AGBL4: variants seen among roughly 807,000 people sequenced by gnomAD.
The protein encoded by AGBL4 is AGBL carboxypeptidase 4, also known as cytosolic carboxypeptidase 6.
In AGBL4, 58 loss-of-function variants were observed where a neutral mutation model predicts 66.4. The ratio of observed to expected loss-of-function variants is 0.87; its 90% CI spans 0.71 to 1.09. AGBL4 has a LOEUF of 1.09. AGBL4 is among the 50% of genes least tolerant of loss of function. The pLI, the probability that AGBL4 is intolerant of heterozygous loss-of-function variation, is 0.00. For missense variants in AGBL4, 579 were observed against 631.0 expected (o/e 0.92, Z 0.88); for synonymous variants, 234 against 222.9 (o/e 1.05, Z -0.44).
intron 6 of AGBL4, among the ~76,000 whole-genome samples, chr1:48,682,630 C>G (rs1267223120): frequency 6.6e-6 from 1 of 152,164 alleles, no homozygotes; most frequent in Non-Finnish European, 1.5e-5. Context: ...TGGGCTCAAG[C>G]AATCTGCCTG....
intron 6 of AGBL4, among the ~76,000 whole-genome samples, chr1:48,851,647 C>T (rs975194326): frequency 6.6e-6 from 1 of 152,202 alleles, no homozygotes; most frequent in Non-Finnish European, 1.5e-5. Flanking sequence ...GAACTCTTCT[C>T]TAACAAGCCA....
At chr1:49,365,607 G>A (rs982591680) in intron 3 of AGBL4, among the ~76,000 whole-genome samples, 1 of 151,420 alleles carries the variant, frequency 6.6e-6, no homozygotes, top group Non-Finnish European at 1.5e-5. Flanking sequence ...TAGCCCTTCT[G>A]TGAAACAGAA....
Position 49,397,133 on chromosome 1 carries a change from C to T in AGBL4, c.283-151269G>A, listed in dbSNP as rs185280593. ...CCACTGCTCCCCTCCTGCTGTGTGG[C>T]TCAGTTCCTAACAGGCCACAAACCA... On this transcript the variant is annotated intron_variant, in intron 3 of 13. Transcript: ENST00000371839. Among the ~76,000 whole-genome samples, 11 of 152,220 alleles carry T rather than the reference C, an allele frequency of 7.2e-5. No individual in the cohort carries two copies. The East Asian group carries it at 1.9e-3, about 27-fold the overall frequency.
chr1:49,187,159 C>G (rs1264657918), intron 4 of AGBL4: 1 of 152,212 alleles, frequency 6.6e-6, no homozygotes, highest in East Asian at 1.9e-4. Flanking sequence ...CTTTTTGGGG[C>G]TTTATTAGAA....
intron 3 of AGBL4, among the ~76,000 whole-genome samples, chr1:49,307,773 T>C (rs1644873096): frequency 4.6e-5 from 7 of 152,058 alleles, no homozygotes; most frequent in Admixed American, 4.6e-4. Context: ...GTCAAGAAAA[T>C]GAACTTAAGA....
chr1:49,836,986 C>T (rs1297554586), intron 2 of AGBL4, among the ~76,000 whole-genome samples: 3 of 152,142 alleles, frequency 2.0e-5, no homozygotes, highest in Admixed American at 6.5e-5. Context: ...AGATGCCAAA[C>T]GGAGCTCTCC....
chr1:48,748,306 G>C (rs1027350029), intron 6 of AGBL4, among the ~76,000 whole-genome samples: 8 of 152,172 alleles, frequency 5.3e-5, no homozygotes, highest in African/African-American at 1.9e-4. Flanking sequence ...CTGTTTCTTA[G>C]CCCCATTAGT....
intron 3 of AGBL4, among the ~76,000 whole-genome samples, chr1:49,362,472 A>AG (rs1491022073): frequency 9.7e-5 from 13 of 134,410 alleles, no homozygotes; most frequent in Admixed American, 7.6e-4. Flanking sequence ...AAAAAAAAAA[A>AG]AGAGAGAATC....
chr1:49,177,758 G>T (rs1307966250), intron 4 of AGBL4, among the ~76,000 whole-genome samples: 1 of 152,032 alleles, frequency 6.6e-6, no homozygotes, highest in African/African-American at 2.4e-5. Context: ...GGTCAATTTT[G>T]TATTGAGGAG....
intron 1 of AGBL4, among the ~76,000 whole-genome samples, chr1:49,934,440 G>T (rs1159313022): frequency 6.6e-6 from 1 of 152,126 alleles, no homozygotes; most frequent in Non-Finnish European, 1.5e-5. Flanking sequence ...GTCACATCAG[G>T]TGTCTTTTAC....
At chr1:49,633,880 A>C (rs1645618396) in intron 3 of AGBL4, among the ~76,000 whole-genome samples, 1 of 115,886 alleles carries the variant, frequency 8.6e-6, no homozygotes, top group African/African-American at 2.5e-5. Context: ...TAATTTATGA[A>C]ATATATTATT....
chr1:48,746,169 C>CTA (rs201496506), intron 6 of AGBL4, among the ~76,000 whole-genome samples: 17 of 151,912 alleles, frequency 1.1e-4, no homozygotes, highest in East Asian at 1.9e-4. Flanking sequence ...AATCAGATAA[C>CTA]TATATATATA....
At chr1:49,634,234 C>T (rs1264367132) in intron 3 of AGBL4, among the ~76,000 whole-genome samples, 1 of 152,028 alleles carries the variant, frequency 6.6e-6, no homozygotes, top group Non-Finnish European at 1.5e-5. Flanking sequence ...CCCTGAGGGG[C>T]CCCAGTGTGT....
intron 3 of AGBL4, among the ~76,000 whole-genome samples, chr1:49,621,084 C>T (rs375595988): frequency 6.6e-5 from 10 of 152,142 alleles, no homozygotes; most frequent in East Asian, 1.9e-4. Context: ...CCCCATGCCA[C>T]GCCAGAATGA....
chr1:49,563,004 A>G (rs191511107), intron 3 of AGBL4, among the ~76,000 whole-genome samples: 2 of 152,018 alleles, frequency 1.3e-5, no homozygotes, highest in South Asian at 2.1e-4. Flanking sequence ...GTTCGTAGTT[A>G]TCCTTGAAGA....
At chr1:48,757,934 T>C (rs1644032130) in intron 6 of AGBL4, among the ~76,000 whole-genome samples, 1 of 152,192 alleles carries the variant, frequency 6.6e-6, no homozygotes, top group East Asian at 1.9e-4. Context: ...TTCCTCAATA[T>C]TGACTGGGCT....
At chr1:49,744,443 G>A (rs1650825336) in intron 2 of AGBL4, among the ~76,000 whole-genome samples, 1 of 151,554 alleles carries the variant, frequency 6.6e-6, no homozygotes, top group Non-Finnish European at 1.5e-5. Context: ...AAACCAATTA[G>A]ACCTCTTTTC....
rs558011502 is a variant in AGBL4 at position 48,663,142 on chromosome 1, T to C, written c.724+10A>G. 44 of 1,613,894 alleles carry C rather than the reference T, an allele frequency of 2.7e-5. No homozygotes were observed. The East Asian group carries it at 9.6e-4, about 35-fold the overall frequency. On this transcript the variant is annotated intron_variant, in intron 7 of 13. Coordinates refer to ENST00000371839, the MANE Select transcript of AGBL4 (RefSeq NM_032785.4). Reference sequence around the variant, plus strand: ...TGGGTATAGGATACCTATGAGATCCTGCCACTCACCTTGGCACACAAATGA... The same window carrying C: ...TGGGTATAGGATACCTATGAGATCCCGCCACTCACCTTGGCACACAAATGA...
At chr1:48,984,475 A>C (rs550393892) in intron 5 of AGBL4, among the ~76,000 whole-genome samples, 2 of 149,346 alleles carry the variant, frequency 1.3e-5, no homozygotes, top group Admixed American at 6.6e-5. Flanking sequence ...AATCTGCCTG[A>C]GCCTCGGCTT....
Sources: gnomAD v4.1 joint callset for allele counts (sites outside exome capture counted in the v4.1 genomes callset) on GRCh38, gnomAD v4.1.1 for gene constraint, MANE v1.5 for transcripts, NCBI Gene and HGNC (gene_info 2026-07-23, HGNC 2026-07-21) for gene names.